PXDN: variants seen among roughly 807,000 people sequenced by gnomAD.
PXDN encodes the protein peroxidasin homolog.
In PXDN, 77 loss-of-function variants were observed where a neutral mutation model predicts 140.3. The ratio of observed to expected loss-of-function variants is 0.55; its 90% CI spans 0.46 to 0.66. The LOEUF is 0.66. Ranked by LOEUF, PXDN falls within the 30% of genes least tolerant of loss-of-function variation. The pLI, the probability that PXDN is intolerant of heterozygous loss-of-function variation, is 0.00. For missense variants in PXDN, 1,838 were observed against 2,039.5 expected (o/e 0.90, Z 1.90); for synonymous variants, 911 against 857.4 (o/e 1.06, Z -1.09).
rs935227823 is a variant in PXDN at position 1,635,351 on chromosome 2, G to A, written c.4320+57C>T. 6.9e-6 allele frequency: 10 copies of A among 1,453,272 alleles called. No individual in the cohort carries two copies. In the East Asian group the frequency reaches 7.4e-5, roughly 11 times the overall value. 90.0% of individuals were successfully genotyped at this position (1,453,272 alleles called of 1,614,324 possible). ...GGGCCACCCACCTGAGTGGTCACAT[G>A]GGACTCTCGGACTTGCGTATACCTT... On this transcript the variant is annotated intron_variant, in intron 22 of 22. Transcript: ENST00000252804.
chr2:1,695,074 T>C (rs1307859697), intron 1 of PXDN, among the ~76,000 whole-genome samples: 1 of 152,200 alleles, frequency 6.6e-6, no homozygotes, highest in Non-Finnish European at 1.5e-5. Flanking sequence ...GCCCCACTTA[T>C]TCTGGCTCCT....
chr2:1,670,800 C>T (rs2125431856), intron 9 of PXDN, among the ~76,000 whole-genome samples: 1 of 152,264 alleles, frequency 6.6e-6, no homozygotes, highest in African/African-American at 2.4e-5. Context: ...CAGCTGCATC[C>T]CCACAGTGCT....
chr2:1,662,176 C>T lies in PXDN; in HGVS notation c.1576G>A (p.Val526Met), dbSNP rs371823717. The T allele has an allele frequency of 6.3e-7, 1 of 1,584,124 alleles. No homozygotes were observed. The highest frequency in any genetic ancestry group is 1.8e-5 in the Admixed American group (1 of 55,136). The change falls in exon 13 of 23, where the codon GTG becomes ATG. Residue 526 changes from valine to methionine, a missense_variant. By Grantham distance (21) the Val-to-Met change is conservative. Transcript: ENST00000252804. ...HLTVQPRVTP[V>M]FASIPSDTTV... ...GTGTCGCTGGGAATGCTGGCAAACA[C>T]TGGGGTGACTGGAAGGCAGATGTAG... is the stretch of plus-strand genomic sequence containing the variant.
At chr2:1,661,966 C>T (rs1026206542) in intron 13 of PXDN, 106 bp downstream of exon 13, 8 of 949,308 alleles carry the variant, frequency 8.4e-6, no homozygotes, top group East Asian at 5.3e-5. Flanking sequence ...GAGGCTGGGG[C>T]GTGGGCACTG....
rs201039175 is a variant in PXDN at position 1,638,908 on chromosome 2, T to C, written c.4144A>G (p.Thr1382Ala). The change falls in exon 21 of 23, where the codon ACA (threonine) becomes GCA (alanine). Residue 1382 changes from threonine (T) to alanine (A), a missense_variant. Transcript: ENST00000252804. ...AFSTRSDASGTNDFREFVLEM... is the reference protein window; with the variant it reads ...AFSTRSDASGANDFREFVLEM... ...AGAACAAACTCTCTGAAGTCATTTG[T>C]CCCAGATGCATCTGAGCGTGTGCTG... The C allele has an allele frequency of 4.2e-4, 672 of 1,613,988 alleles. No individual in the cohort carries two copies. Among genetic ancestry groups the C allele is most frequent in the Admixed American group, 5.3e-4 (32 of 60,024 alleles).
At chr2:1,743,607 G>T (rs1337106122) in intron 1 of PXDN, among the ~76,000 whole-genome samples, 1 of 133,308 alleles carries the variant, frequency 7.5e-6, no homozygotes, top group African/African-American at 2.7e-5. Flanking sequence ...CAAGGGGCGG[G>T]GGAGGGGGAG....
Position 1,639,182 on chromosome 2 carries a change from G to T in PXDN, c.4073+120C>A. 1 of 1,501,382 alleles carries T rather than the reference G, an allele frequency of 6.7e-7. No individual in the cohort carries two copies. The highest frequency in any genetic ancestry group is 9.0e-7 in the Non-Finnish European group (1 of 1,115,774). The allele number at this position is 1,501,382 out of a possible 1,614,324, so 93.0% of individuals were successfully genotyped here. On this transcript the variant is annotated intron_variant, in intron 20 of 22. Coordinates refer to ENST00000252804, the MANE Select transcript of PXDN (RefSeq NM_012293.3). The surrounding 1 kb of genome is among the most constrained non-coding windows in gnomAD (Gnocchi z 5.0). ...CTGCGGCCTGGCCCCCAGTGCCCTG[G>T]GACGTCCCTGCCAGGAACCATCCTC... is the stretch of plus-strand genomic sequence containing the variant.
chr2:1,686,889 G>A (rs1045911797), intron 4 of PXDN, among the ~76,000 whole-genome samples: 14 of 152,320 alleles, frequency 9.2e-5, no homozygotes, highest in African/African-American at 1.7e-4. Context: ...GTCACGCTGC[G>A]TCACAGCAAA....
chr2:1,735,475 A>T (rs952712502), intron 1 of PXDN, among the ~76,000 whole-genome samples: 5 of 152,246 alleles, frequency 3.3e-5, no homozygotes, highest in African/African-American at 1.2e-4. Flanking sequence ...GTTAGCAGCC[A>T]TGAAAACAAC....
chr2:1,680,627 A>G (rs1315733263), intron 6 of PXDN, among the ~76,000 whole-genome samples: 7 of 152,310 alleles, frequency 4.6e-5, no homozygotes. Context: ...TGAGTAGCAT[A>G]GGGCTTGTGC....
chr2:1,649,255 G>A lies in PXDN; in HGVS notation c.2525C>T (p.Ser842Phe). The A allele has an allele frequency of 6.2e-7, 1 of 1,613,216 alleles. No homozygotes were observed. The highest frequency in any genetic ancestry group is 8.5e-7 in the Non-Finnish European group (1 of 1,179,752). ...TVVALSQARF[S>F]DGQHCSNVCS... is the part of the protein sequence containing the mutation. ...CACGTTGCTGCAGTGCTGTCCGTCG[G>A]AGAAGCGTGCCTGGCTCAGGGCCAC... Residue 842 changes from serine to phenylalanine, a missense_variant, in exon 17 of 23, where the codon TCC (serine) becomes TTC (phenylalanine). By Grantham distance (155) the Ser-to-Phe change is radical. This residue lies in a region of PXDN where 850 missense variants were observed against 894.1 expected (regional missense o/e 0.95). Transcript: ENST00000252804. The surrounding 1 kb of genome is among the most constrained non-coding windows in gnomAD (Gnocchi z 7.1).
At chr2:1,742,573 G>A (rs1454603797) in intron 1 of PXDN, among the ~76,000 whole-genome samples, 1 of 152,246 alleles carries the variant, frequency 6.6e-6, no homozygotes, top group Middle Eastern at 3.4e-3. Context: ...TTAATATTCC[G>A]GGGCAAAACA....
chr2:1,727,491 C>T (rs997689751), intron 1 of PXDN, among the ~76,000 whole-genome samples: 2 of 152,212 alleles, frequency 1.3e-5, no homozygotes, highest in African/African-American at 4.8e-5. Flanking sequence ...TCAAGGGGTG[C>T]GGTCACGTCC....
intron 1 of PXDN, among the ~76,000 whole-genome samples, chr2:1,710,805 C>T (rs1336536043): frequency 2.7e-5 from 2 of 74,476 alleles, no homozygotes; most frequent in African/African-American, 6.2e-5. Context: ...TCCACCAGCA[C>T]CCACTCCACC....
intron 10 of PXDN, among the ~76,000 whole-genome samples, chr2:1,665,325 T>C (rs996455227): frequency 2.6e-5 from 4 of 152,152 alleles, no homozygotes; most frequent in African/African-American, 4.8e-5. Flanking sequence ...CCAGCTGCAA[T>C]GCACACGGGG....
chr2:1,666,612 A>G (rs2125428610), intron 9 of PXDN, 126 bp from the exon 10 acceptor site: 1 of 1,212,268 alleles, frequency 8.2e-7, no homozygotes, highest in East Asian at 2.6e-5. Context: ...ACACAACGTA[A>G]CTGCATATTT....
intron 1 of PXDN, among the ~76,000 whole-genome samples, chr2:1,713,300 G>A (rs1684825071): frequency 6.6e-6 from 1 of 152,154 alleles, no homozygotes; most frequent in Non-Finnish European, 1.5e-5. Flanking sequence ...GAAGAAAGAA[G>A]GCTGAGCCTC....
rs1684017782 is a variant in PXDN, at chr2:1,685,067, T to G, written c.417-916A>C. On this transcript the variant is annotated intron_variant, in intron 4 of 22. Coordinates refer to ENST00000252804, the MANE Select transcript of PXDN (RefSeq NM_012293.3). The surrounding 1 kb of genome is among the most constrained non-coding windows in gnomAD (Gnocchi z 5.1). ...ACTCCTCAGAACGCACGCCTGAGAA[T>G]CAGGTCTGTGGACATCCTGAGATCA... is the stretch of plus-strand genomic sequence containing the variant. 6.6e-6 allele frequency among the ~76,000 whole-genome samples: 1 copy of G among 152,152 alleles called. No individual in the cohort carries two copies. Among genetic ancestry groups the G allele is most frequent in the South Asian group, 2.1e-4 (1 of 4,828 alleles).
intron 1 of PXDN, among the ~76,000 whole-genome samples, chr2:1,723,917 AT>A (rs1685113454): frequency 1.3e-5 from 2 of 152,236 alleles, no homozygotes; most frequent in African/African-American, 4.8e-5. Flanking sequence ...TTTAATTGAT[AT>A]TTTAAAAGTT....
Sources: allele counts gnomAD v4.1 joint callset (sites outside exome capture counted in the v4.1 genomes callset), GRCh38; gene constraint gnomAD v4.1.1; regional missense constraint gnomAD v4.1.1; non-coding constraint Gnocchi (gnomAD v3.1); transcripts MANE v1.5; gene names NCBI Gene and HGNC (gene_info 2026-07-23, HGNC 2026-07-21).